Variants in MMP16 observed in about 807,000 individuals in gnomAD.
MMP16 encodes the protein matrix metalloproteinase-16.
In MMP16, 12 loss-of-function variants were observed where a neutral mutation model predicts 67.8. That is an observed-to-expected ratio of 0.18 (90% CI 0.11 to 0.29). MMP16 has a LOEUF of 0.29. MMP16 is among the 10% of genes least tolerant of loss of function. The pLI, the probability that MMP16 is intolerant of heterozygous loss-of-function variation, is 1.00. For missense variants in MMP16, 475 were observed against 765.7 expected (o/e 0.62, Z 4.48); for synonymous variants, 249 against 255.9 (o/e 0.97, Z 0.26).
intron 1 of MMP16, among the ~76,000 whole-genome samples, chr8:88,277,819 T>C (rs1358332630): frequency 6.6e-6 from 1 of 152,180 alleles, no homozygotes; most frequent in Non-Finnish European, 1.5e-5. Context: ...TATCATTGGG[T>C]CTATGCATTT....
intron 7 of MMP16, among the ~76,000 whole-genome samples, chr8:88,056,773 T>C (rs960993460): frequency 1.3e-5 from 2 of 152,168 alleles, no homozygotes; most frequent in Admixed American, 1.3e-4. Context: ...CAAGTCTCCC[T>C]AGTCTTATAC....
chr8:88,265,223 CTTTTTTTTT>C (rs398008661), intron 1 of MMP16, among the ~76,000 whole-genome samples: 2 of 100,780 alleles, frequency 2.0e-5, no homozygotes, highest in Non-Finnish European at 3.7e-5. Context: ...TGACCATTTC[CTTTTTTTTT>C]TTTTTTTTTT....
chr8:88,246,124 T>C (rs1250567852), intron 1 of MMP16, among the ~76,000 whole-genome samples: 1 of 152,148 alleles, frequency 6.6e-6, no homozygotes, highest in African/African-American at 2.4e-5. Context: ...AATCTCCGTA[T>C]GTGACAGCTA....
chr8:88,320,626 TG>T (rs904501916), intron 1 of MMP16, among the ~76,000 whole-genome samples: 1 of 152,174 alleles, frequency 6.6e-6, no homozygotes, highest in Non-Finnish European at 1.5e-5. Flanking sequence ...TCGTGAACTG[TG>T]TTCATTGATT....
chr8:88,217,595 A>G (rs1030547753), intron 1 of MMP16, among the ~76,000 whole-genome samples: 3 of 151,976 alleles, frequency 2.0e-5, no homozygotes, highest in Non-Finnish European at 2.9e-5. Context: ...TATATGATCA[A>G]TCCTTTATAT....
chr8:88,156,001 T>C (rs1461577616), intron 4 of MMP16, among the ~76,000 whole-genome samples: 1 of 152,108 alleles, frequency 6.6e-6, no homozygotes, highest in African/African-American at 2.4e-5. Flanking sequence ...ATTACACTAT[T>C]TTACAAATTT....
intron 1 of MMP16, among the ~76,000 whole-genome samples, chr8:88,260,339 A>C (rs1396532618): frequency 1.3e-5 from 2 of 152,146 alleles, no homozygotes; most frequent in Non-Finnish European, 1.5e-5. Context: ...TCAAAGAAAG[A>C]AATTAAAACA....
At chr8:88,108,586 G>A (rs1357835472) in intron 6 of MMP16, among the ~76,000 whole-genome samples, 3 of 151,194 alleles carry the variant, frequency 2.0e-5, no homozygotes, top group African/African-American at 7.3e-5. Context: ...AATCAATTGT[G>A]GTATGCAGGG....
chr8:88,174,888 G>C (rs934510240), intron 3 of MMP16, among the ~76,000 whole-genome samples: 3 of 151,952 alleles, frequency 2.0e-5, no homozygotes, highest in African/African-American at 7.3e-5. Flanking sequence ...TGAGTTGCAG[G>C]GATAAAACGC....
chr8:88,174,119 C>G (rs560875429), intron 3 of MMP16, among the ~76,000 whole-genome samples: 1 of 152,066 alleles, frequency 6.6e-6, no homozygotes, highest in Admixed American at 6.6e-5. Context: ...CCAGTGTGTC[C>G]TCAGTTGTAA....
intron 6 of MMP16, among the ~76,000 whole-genome samples, chr8:88,098,283 T>TG (rs1479937882): frequency 1.3e-5 from 2 of 152,028 alleles, no homozygotes; most frequent in Non-Finnish European, 2.9e-5. Context: ...CAACTATGGG[T>TG]GCTCATCTGA....
At chr8:88,300,826 T>C (rs1393127377) in intron 1 of MMP16, among the ~76,000 whole-genome samples, 3 of 150,856 alleles carry the variant, frequency 2.0e-5, no homozygotes, top group East Asian at 2.0e-4. Context: ...GGAAAGGCCC[T>C]TTTTTTTTAA....
intron 1 of MMP16, among the ~76,000 whole-genome samples, chr8:88,285,412 T>C (rs955394345): frequency 3.9e-5 from 6 of 152,156 alleles, no homozygotes; most frequent in African/African-American, 1.4e-4. Context: ...AGTGCTGGGA[T>C]TATAGTTGTG....
rs145576033 is a variant in MMP16, at chr8:88,253,006, C to G, written c.133-55700G>C. The stretch of plus-strand genomic sequence containing the variant: ...CTTGGTAAACAGTGGAAATAAAAAG[C>G]CTGATAGGACAATTCTTTAGAAAAA... On this transcript the variant is annotated intron_variant, in intron 1 of 9. Transcript: ENST00000286614. Among the ~76,000 whole-genome samples, 1,478 of 152,122 alleles carry G rather than the reference C, an allele frequency of 9.7e-3. 11 individuals are homozygous for G. The highest frequency in any genetic ancestry group is 0.021 in the African/African-American group (866 of 41,514).
At chr8:88,297,811 A>G (rs561577812) in intron 1 of MMP16, among the ~76,000 whole-genome samples, 1 of 152,356 alleles carries the variant, frequency 6.6e-6, no homozygotes, top group African/African-American at 2.4e-5. Flanking sequence ...AATAACAAAT[A>G]CACCTCAGAG....
chr8:88,093,409 G>C (rs1241740228), intron 6 of MMP16, among the ~76,000 whole-genome samples: 1 of 151,722 alleles, frequency 6.6e-6, no homozygotes, highest in African/African-American at 2.4e-5. Flanking sequence ...CCAGTCTTTT[G>C]TGATTTTTGT....
intron 1 of MMP16, among the ~76,000 whole-genome samples, chr8:88,301,775 T>C (rs1003832228): frequency 6.6e-6 from 1 of 152,242 alleles, no homozygotes; most frequent in Non-Finnish European, 1.5e-5. Flanking sequence ...AGTTTGAATT[T>C]AGCAGATATT....
chr8:88,045,760 C>T (rs1194792252), intron 9 of MMP16, among the ~76,000 whole-genome samples: 6 of 152,046 alleles, frequency 3.9e-5, no homozygotes, highest in South Asian at 2.1e-4. Flanking sequence ...CTTTCTCTTC[C>T]CTGCCCCTAG....
intron 1 of MMP16, among the ~76,000 whole-genome samples, chr8:88,197,900 C>T (rs2129783192): frequency 6.6e-6 from 1 of 152,220 alleles, no homozygotes; most frequent in East Asian, 1.9e-4. Flanking sequence ...ATTCTTTCTT[C>T]ATTTATTTAT....
Sources: allele counts gnomAD v4.1 joint callset (sites outside exome capture counted in the v4.1 genomes callset), GRCh38; gene constraint gnomAD v4.1.1; transcripts MANE v1.5; gene names NCBI Gene and HGNC (gene_info 2026-07-23, HGNC 2026-07-21).